The following HTR2C variants were observed in gnomAD, a reference collection of about 807,000 sequenced individuals.
HTR2C encodes the protein 5-hydroxytryptamine receptor 2C, also known as 5-hydroxytryptamine (serotonin) receptor 2C, G protein-coupled.
Under a neutral mutation model 21.0 loss-of-function variants are expected in HTR2C, and 5 were observed. That is an observed-to-expected ratio of 0.24 (90% CI 0.12 to 0.50). The LOEUF (loss-of-function observed/expected upper bound fraction) is 0.50. Among genes scored for constraint, HTR2C ranks in the 20% least tolerant of loss-of-function variants. The pLI is 0.98. For synonymous variants in HTR2C, 150 were observed against 145.3 expected, an observed-to-expected ratio of 1.03 and a Z score of -0.23; for missense variants, 271 against 371.2, an observed-to-expected ratio of 0.73 and a Z score of 2.22.
chrX:114,707,921 T>G (rs782275456), intron 2 of HTR2C, among the ~76,000 whole-genome samples: 1 of 110,119 alleles, frequency 9.1e-6, no homozygotes, highest in African/African-American at 3.3e-5. Flanking sequence ...TACTATGTAA[T>G]AGTATTTCAA....
chrX:114,870,117 A>G (rs1443109034), intron 5 of HTR2C, among the ~76,000 whole-genome samples: 11 of 101,542 alleles, frequency 1.1e-4, no homozygotes, highest in African/African-American at 3.9e-4. Flanking sequence ...GATGGGGTTT[A>G]ACTCTTGTTG....
chrX:114,749,753 C>A (rs1303506192), intron 4 of HTR2C, among the ~76,000 whole-genome samples: 1 of 111,040 alleles, frequency 9.0e-6, no homozygotes, highest in African/African-American at 3.3e-5. Flanking sequence ...TAGTAATTAA[C>A]CAAAAGGATA....
intron 2 of HTR2C, among the ~76,000 whole-genome samples, chrX:114,638,536 T>C (rs1929951411): frequency 9.1e-6 from 1 of 109,886 alleles, no homozygotes; most frequent in East Asian, 2.8e-4. Flanking sequence ...TTTTCTTTTA[T>C]TATTATACTT....
intron 4 of HTR2C, among the ~76,000 whole-genome samples, chrX:114,837,593 C>A (rs373535206): frequency 9.1e-6 from 1 of 110,429 alleles, no homozygotes; most frequent in East Asian, 2.8e-4. Flanking sequence ...CTAGTTAAAC[C>A]TCTAGATTAT....
chrX:114,700,291 A>G (rs1016890504), intron 2 of HTR2C, among the ~76,000 whole-genome samples: 24 of 111,831 alleles, frequency 2.1e-4, no homozygotes, highest in African/African-American at 7.8e-4. Context: ...AAAAATCATT[A>G]TATCATGTTC....
At chrX:114,641,831 C>T (rs1930141885) in intron 2 of HTR2C, among the ~76,000 whole-genome samples, 1 of 110,870 alleles carries the variant, frequency 9.0e-6, no homozygotes, top group African/African-American at 3.3e-5. Context: ...ACCTATCACC[C>T]CATCACCTAG....
At chrX:114,807,826 C>A (rs1444944820) in intron 4 of HTR2C, among the ~76,000 whole-genome samples, 3 of 109,945 alleles carry the variant, frequency 2.7e-5, no homozygotes, top group Admixed American at 9.8e-5. Flanking sequence ...GCGCATACCA[C>A]CACGCCCAGC....
intron 2 of HTR2C, among the ~76,000 whole-genome samples, chrX:114,656,149 C>A (rs1930773869): frequency 9.0e-6 from 1 of 110,708 alleles, no homozygotes; most frequent in African/African-American, 3.3e-5. Context: ...TTCTGAACTT[C>A]TTGTATCACA....
At chrX:114,735,248 C>T (rs1440440675) in intron 4 of HTR2C, among the ~76,000 whole-genome samples, 1 of 110,692 alleles carries the variant, frequency 9.0e-6, no homozygotes. Context: ...ACCCAGGAGG[C>T]GGAGGTTGTA....
intron 4 of HTR2C, among the ~76,000 whole-genome samples, chrX:114,839,497 G>C (rs1012693543): frequency 2.7e-5 from 3 of 110,869 alleles, no homozygotes; most frequent in African/African-American, 9.9e-5. Context: ...GACCCACCTG[G>C]GCAACATGGC....
intron 4 of HTR2C, among the ~76,000 whole-genome samples, chrX:114,831,757 A>T (rs2070730759): frequency 9.5e-6 from 1 of 105,667 alleles, no homozygotes; most frequent in African/African-American, 3.5e-5. Flanking sequence ...GATGTTTTAG[A>T]CATGAAGTCC....
chrX:114,707,494 A>G (rs894891660), intron 2 of HTR2C, among the ~76,000 whole-genome samples: 15 of 111,868 alleles, frequency 1.3e-4, no homozygotes, highest in African/African-American at 4.5e-4. Flanking sequence ...TGAGACTATA[A>G]AACCTAAAGA....
chrX:114,730,781 A>G (rs185474227), intron 3 of HTR2C, among the ~76,000 whole-genome samples: 1 of 111,590 alleles, frequency 9.0e-6, no homozygotes, highest in African/African-American at 3.2e-5. Flanking sequence ...ACATATCTAA[A>G]GGAATCAGTA....
rs200362387 is a variant in HTR2C at position 114,806,560 on chromosome X, C to A, written c.350-41443C>A. On this transcript the variant is annotated intron_variant, in intron 4 of 5. Transcript: ENST00000276198. Reference sequence around the variant, plus strand: ...ATATACCGTATATATACCATATATACCATATACATCATATATATCATATAT... The same window carrying A: ...ATATACCGTATATATACCATATATAACATATACATCATATATATCATATAT... 2.4e-4 allele frequency among the ~76,000 whole-genome samples: 8 copies of A among 33,608 alleles called. 1 individual carries two copies. Among genetic ancestry groups the A allele is most frequent in the Non-Finnish European group, 3.9e-4 (8 of 20,543 alleles). 29.2% of individuals were successfully genotyped at this position (33,608 alleles called of 115,157 possible). A position where few individuals can be genotyped will look rare whatever the true frequency, so the allele number is the denominator to read the frequency against.
intron 1 of HTR2C, among the ~76,000 whole-genome samples, chrX:114,586,951 AT>A (rs1365045079): frequency 9.0e-6 from 1 of 111,532 alleles, no homozygotes; most frequent in Non-Finnish European, 1.9e-5. Context: ...AATAAGAAAT[AT>A]TTATTTGTGC....
At chrX:114,689,019 T>G (rs2147859252) in intron 2 of HTR2C, among the ~76,000 whole-genome samples, 1 of 107,965 alleles carries the variant, frequency 9.3e-6, no homozygotes, top group African/African-American at 3.4e-5. Context: ...CAGAGTCCAT[T>G]ATATCATCCT....
intron 4 of HTR2C, among the ~76,000 whole-genome samples, chrX:114,805,890 C>CAT (rs1401372471): frequency 5.8e-5 from 5 of 86,782 alleles, no homozygotes; most frequent in African/African-American, 1.9e-4. Flanking sequence ...ATATGTATAC[C>CAT]ATATATATAC....
At chrX:114,779,631 T>C (rs2070096011) in intron 4 of HTR2C, among the ~76,000 whole-genome samples, 1 of 111,871 alleles carries the variant, frequency 8.9e-6, no homozygotes. Flanking sequence ...GACTCAACAT[T>C]GCCAGTACTC....
At chrX:114,800,076 G>C (rs2070331521) in intron 4 of HTR2C, among the ~76,000 whole-genome samples, 2 of 110,659 alleles carry the variant, frequency 1.8e-5, no homozygotes, top group Admixed American at 2.0e-4. Flanking sequence ...AGGCAGAAAA[G>C]AGGAGATAAG....
Sources: gnomAD v4.1 joint callset for allele counts (sites outside exome capture counted in the v4.1 genomes callset) on GRCh38, gnomAD v4.1.1 for gene constraint, MANE v1.5 for transcripts, NCBI Gene and HGNC (gene_info 2026-07-23, HGNC 2026-07-21) for gene names.